RIT2: variants seen among roughly 807,000 people sequenced by gnomAD.
The protein encoded by RIT2 is GTP-binding protein Rit2.
RIT2 carries 24 observed loss-of-function variants against 23.7 expected under a neutral mutation model. The observed-to-expected ratio is 1.01, with a 90% CI of 0.73 to 1.43. The LOEUF (loss-of-function observed/expected upper bound fraction) is 1.43, where lower values mean the gene tolerates loss of function less well. Among genes scored for constraint, RIT2 ranks in the 40% most tolerant of loss-of-function variants. The probability of loss-of-function intolerance (pLI) is 0.00; values close to 1 mark genes in which losing one functional copy is unlikely to be tolerated. For missense variants in RIT2, 236 were observed against 266.9 expected (o/e 0.88, Z 0.81); for synonymous variants, 107 against 91.1 (o/e 1.17, Z -0.99).
intron 3 of RIT2, among the ~76,000 whole-genome samples, chr18:42,928,748 A>G (rs1474394086): frequency 6.6e-6 from 1 of 151,972 alleles, no homozygotes; most frequent in Non-Finnish European, 1.5e-5. Context: ...GTCAATTTAA[A>G]TGAAAACGAA....
At chr18:42,971,527 T>A (rs899985086) in intron 3 of RIT2, among the ~76,000 whole-genome samples, 2 of 151,854 alleles carry the variant, frequency 1.3e-5, no homozygotes, top group East Asian at 3.9e-4. Context: ...CATATGTAAC[T>A]AAAAAATGTT....
intron 4 of RIT2, among the ~76,000 whole-genome samples, chr18:42,801,609 T>C (rs1357464603): frequency 6.6e-6 from 1 of 152,198 alleles, no homozygotes; most frequent in Non-Finnish European, 1.5e-5. Flanking sequence ...CCATCTGAAA[T>C]TCTGCAGCAA....
chr18:43,103,144 C>G (rs984891191), intron 1 of RIT2, among the ~76,000 whole-genome samples: 4 of 152,110 alleles, frequency 2.6e-5, no homozygotes, highest in African/African-American at 9.7e-5. Flanking sequence ...CACCCTTACC[C>G]TATACTTACA....
intron 4 of RIT2, among the ~76,000 whole-genome samples, chr18:42,886,366 A>G (rs1202850989): frequency 6.6e-6 from 1 of 152,226 alleles, no homozygotes; most frequent in Admixed American, 6.5e-5. Context: ...GATAAAAATT[A>G]TGCTAGACAT....
intron 2 of RIT2, among the ~76,000 whole-genome samples, chr18:43,012,270 C>T (rs1018814358): frequency 1.5e-4 from 23 of 151,756 alleles, no homozygotes; most frequent in Non-Finnish European, 2.5e-4. Flanking sequence ...TAGAAAAATA[C>T]CTTATTGCCT....
chr18:43,080,168 C>G (rs1913122868), intron 1 of RIT2, among the ~76,000 whole-genome samples: 1 of 152,208 alleles, frequency 6.6e-6, no homozygotes, highest in Non-Finnish European at 1.5e-5. Context: ...AGTTCCTACC[C>G]TGTGCCAGGC....
At chr18:42,879,504 C>A (rs1329293958) in intron 4 of RIT2, among the ~76,000 whole-genome samples, 2 of 152,004 alleles carry the variant, frequency 1.3e-5, no homozygotes, top group African/African-American at 2.4e-5. Flanking sequence ...CATTTATGAT[C>A]ACTTGCATAT....
chr18:42,794,550 G>A (rs1914112730), intron 4 of RIT2, among the ~76,000 whole-genome samples: 2 of 152,152 alleles, frequency 1.3e-5, no homozygotes, highest in Non-Finnish European at 2.9e-5. Flanking sequence ...AAGCAAACAT[G>A]AGCTTACATT....
Position 42,942,174 on chromosome 18 carries a change from A to G in RIT2, c.235-18411T>C, listed in dbSNP as rs544214206. Among the ~76,000 whole-genome samples, 3 of 152,172 alleles carry G rather than the reference A, an allele frequency of 2.0e-5. No homozygotes were observed. In the South Asian group the frequency reaches 6.2e-4, roughly 32 times the overall value. ...CCTTTGCCTTTTCAAAGTAGAAATA[A>G]TCACTTAGACCCTAGAAATAACAGT... is the stretch of plus-strand genomic sequence containing the variant. On this transcript the variant is annotated intron_variant, in intron 3 of 4. Transcript: ENST00000326695.
intron 4 of RIT2, among the ~76,000 whole-genome samples, chr18:42,775,862 C>CAT (rs1232828133): frequency 6.8e-6 from 1 of 146,104 alleles, no homozygotes; most frequent in Non-Finnish European, 1.5e-5. Flanking sequence ...CACACACATA[C>CAT]ACACACACAC....
intron 1 of RIT2, among the ~76,000 whole-genome samples, chr18:43,057,084 T>C (rs776783356): frequency 1.2e-4 from 18 of 151,140 alleles, no homozygotes; most frequent in Non-Finnish European, 1.9e-4. Flanking sequence ...AAAATGTAGG[T>C]TGCCAGTGGA....
chr18:42,777,489 C>A (rs1913700975), intron 4 of RIT2, among the ~76,000 whole-genome samples: 1 of 152,002 alleles, frequency 6.6e-6, no homozygotes, highest in Non-Finnish European at 1.5e-5. Context: ...AGGAAAATAA[C>A]CGGGGAAATG....
intron 1 of RIT2, among the ~76,000 whole-genome samples, chr18:43,115,115 A>G (rs1384081297): frequency 2.0e-5 from 3 of 152,150 alleles, no homozygotes; most frequent in Admixed American, 6.6e-5. Flanking sequence ...TGACAATTTC[A>G]TACTTATTTT....
intron 4 of RIT2, among the ~76,000 whole-genome samples, chr18:42,837,314 C>T (rs1370621058): frequency 6.6e-6 from 1 of 151,242 alleles, no homozygotes; most frequent in African/African-American, 2.4e-5. Flanking sequence ...ACTACAGGTG[C>T]CTGCCACCAA....
intron 4 of RIT2, among the ~76,000 whole-genome samples, chr18:42,799,158 G>A (rs1905456763): frequency 6.6e-6 from 1 of 152,110 alleles, no homozygotes; most frequent in Non-Finnish European, 1.5e-5. Context: ...AGTAGAAAGA[G>A]CCAAATGAAA....
intron 4 of RIT2, among the ~76,000 whole-genome samples, chr18:42,856,328 C>A (rs1173092053): frequency 1.3e-5 from 2 of 152,230 alleles, no homozygotes; most frequent in African/African-American, 2.4e-5. Flanking sequence ...TCTAGGCAGA[C>A]ATGCCTTGCT....
chr18:42,758,645 C>T (rs1303915425), intron 4 of RIT2, among the ~76,000 whole-genome samples: 3 of 151,638 alleles, frequency 2.0e-5, no homozygotes, highest in Admixed American at 1.3e-4. Context: ...TCTCAAGTGG[C>T]TGGGATTACA....
At chr18:42,889,471 TTGAC>T (rs1255768486) in intron 4 of RIT2, among the ~76,000 whole-genome samples, 2 of 152,088 alleles carry the variant, frequency 1.3e-5, no homozygotes, top group African/African-American at 4.8e-5. Context: ...AGAATTACCA[TTGAC>T]TATTCAATAT....
At chr18:42,775,991 A>T (rs1015134004) in intron 4 of RIT2, among the ~76,000 whole-genome samples, 2 of 152,194 alleles carry the variant, frequency 1.3e-5, no homozygotes, top group South Asian at 4.1e-4. Context: ...AATTGATGTG[A>T]TGAGATCATG....
Sources: allele counts gnomAD v4.1 joint callset (sites outside exome capture counted in the v4.1 genomes callset), GRCh38; gene constraint gnomAD v4.1.1; transcripts MANE v1.5; gene names NCBI Gene and HGNC (gene_info 2026-07-23, HGNC 2026-07-21).